The following PHKB variants were observed in gnomAD, a reference collection of about 807,000 sequenced individuals.
The protein encoded by PHKB is phosphorylase kinase regulatory subunit beta, also known as phosphorylase b kinase regulatory subunit beta.
PHKB carries 122 observed loss-of-function variants against 152.1 expected under a neutral mutation model. The observed-to-expected ratio is 0.80, with a 90% CI of 0.69 to 0.93. The LOEUF (loss-of-function observed/expected upper bound fraction) is 0.93. PHKB is among the 40% of genes least tolerant of loss of function. The probability of loss-of-function intolerance (pLI) is 0.00; values close to 1 mark genes in which losing one functional copy is unlikely to be tolerated. For missense variants in PHKB, 1,304 were observed against 1,328.4 expected, an observed-to-expected ratio of 0.98 and a Z score of 0.29; for synonymous variants, 436 against 464.9, an observed-to-expected ratio of 0.94 and a Z score of 0.80.
intron 28 of PHKB, among the ~76,000 whole-genome samples, chr16:47,693,779 T>TA (rs997248905): frequency 9.2e-5 from 14 of 152,042 alleles, no homozygotes; most frequent in Admixed American, 2.0e-4. Context: ...TCATATTTAA[T>TA]AAAAAAAATT....
chr16:47,568,491 T>C (rs1971605120), intron 7 of PHKB, among the ~76,000 whole-genome samples: 1 of 152,210 alleles, frequency 6.6e-6, no homozygotes, highest in Non-Finnish European at 1.5e-5. Context: ...TGTTGTTTCA[T>C]TGATCTTTTG....
chr16:47,693,608 T>TAAGA, intron 28 of PHKB, 101 bp downstream of exon 28: 1 of 1,250,524 alleles, frequency 8.0e-7, no homozygotes, highest in East Asian at 2.4e-5. Flanking sequence ...TTCAGCGTTC[T>TAAGA]AAGAGTATTT....
intron 1 of PHKB, among the ~76,000 whole-genome samples, chr16:47,466,679 T>C (rs1969674145): frequency 6.6e-6 from 1 of 152,240 alleles, no homozygotes; most frequent in Admixed American, 6.5e-5. Context: ...TTTAATTTGA[T>C]GGGCAAATCA....
At chr16:47,678,381 C>T (rs967731391) in intron 26 of PHKB, among the ~76,000 whole-genome samples, 1 of 152,192 alleles carries the variant, frequency 6.6e-6, no homozygotes, top group Non-Finnish European at 1.5e-5. Context: ...TTCAGAGTCC[C>T]ACCAACAGTG....
intron 26 of PHKB, among the ~76,000 whole-genome samples, chr16:47,683,493 CCT>C (rs2142095897): frequency 6.6e-6 from 1 of 152,314 alleles, no homozygotes; most frequent in East Asian, 1.9e-4. Flanking sequence ...CTCGCTGCCG[CCT>C]TGCAGTTTGA....
intron 25 of PHKB, among the ~76,000 whole-genome samples, chr16:47,668,960 C>T (rs1308711116): frequency 6.6e-6 from 1 of 151,976 alleles, no homozygotes; most frequent in Non-Finnish European, 1.5e-5. Context: ...TGCTTTTATC[C>T]ACTCACCTCC....
intron 16 of PHKB, among the ~76,000 whole-genome samples, chr16:47,646,360 T>A (rs1973120396): frequency 1.0e-5 from 1 of 97,498 alleles, no homozygotes; most frequent in Admixed American, 1.1e-4. Context: ...AAGGGGAATA[T>A]CACACTCTGG....
chr16:47,516,651 AG>A, intron 6 of PHKB, among the ~76,000 whole-genome samples: 1 of 152,194 alleles, frequency 6.6e-6, no homozygotes, highest in East Asian at 1.9e-4. Flanking sequence ...GACCGTACTG[AG>A]GGTACTACAA....
chr16:47,642,632 T>G (rs895005757), intron 16 of PHKB, among the ~76,000 whole-genome samples: 7 of 152,056 alleles, frequency 4.6e-5, no homozygotes, highest in African/African-American at 7.3e-5. Context: ...AACAGAAAAA[T>G]GAAGGCTTAG....
intron 1 of PHKB, among the ~76,000 whole-genome samples, chr16:47,480,671 C>G (rs1166102230): frequency 6.6e-6 from 1 of 152,128 alleles, no homozygotes; most frequent in East Asian, 1.9e-4. Context: ...CCTTCAATAT[C>G]CATTGTCATA....
chr16:47,627,023 G>A (rs1281854546), intron 14 of PHKB, among the ~76,000 whole-genome samples: 1 of 152,114 alleles, frequency 6.6e-6, no homozygotes, highest in Non-Finnish European at 1.5e-5. Context: ...CTAAAACCTG[G>A]TTTCTTATGG....
chr16:47,664,804 CTG>C, intron 24 of PHKB, 79 bp from the exon 25 acceptor site: 3 of 835,830 alleles, frequency 3.6e-6, no homozygotes, highest in Non-Finnish European at 6.1e-6. Flanking sequence ...ATTTAGAATG[CTG>C]ACTGTTATGT....
At chr16:47,669,129 G>T (rs1973590405) in intron 25 of PHKB, 86 bp from the exon 26 acceptor site, 2 of 958,160 alleles carry the variant, frequency 2.1e-6, no homozygotes, top group South Asian at 1.3e-5. Context: ...ATTTCAGCCT[G>T]CCAGTCATTC....
chr16:47,596,579 TA>T, intron 13 of PHKB, 48 bp downstream of exon 13: 1 of 1,557,608 alleles, frequency 6.4e-7, no homozygotes. Context: ...GTTATTAAGC[TA>T]TTAGAAATAA....
intron 2 of PHKB, among the ~76,000 whole-genome samples, chr16:47,499,533 A>G (rs1970288594): frequency 6.6e-6 from 1 of 152,222 alleles, no homozygotes; most frequent in South Asian, 2.1e-4. Flanking sequence ...TAATTAGCTG[A>G]GTCCTTTCCT....
chr16:47,475,428 A>G (rs1157099533), intron 1 of PHKB, among the ~76,000 whole-genome samples: 3 of 152,168 alleles, frequency 2.0e-5, no homozygotes, highest in African/African-American at 4.8e-5. Context: ...CCTTAAGCAA[A>G]AACAATACAT....
intron 1 of PHKB, among the ~76,000 whole-genome samples, chr16:47,465,224 C>A (rs1366102629): frequency 6.6e-6 from 1 of 152,204 alleles, no homozygotes; most frequent in Non-Finnish European, 1.5e-5. Context: ...AACAGGAGGA[C>A]ATATATCTCT....
chr16:47,589,177 T>C, intron 10 of PHKB, 75 bp downstream of exon 10: 1 of 1,111,616 alleles, frequency 9.0e-7, no homozygotes, highest in Non-Finnish European at 1.3e-6. Flanking sequence ...GACCATTGGG[T>C]TTGAATTCTG....
intron 1 of PHKB, among the ~76,000 whole-genome samples, chr16:47,468,893 CT>C (rs1394220733): frequency 6.6e-6 from 1 of 152,174 alleles, no homozygotes; most frequent in East Asian, 1.9e-4. Context: ...GCTCTCTATA[CT>C]GCTGTTTGGG....
Sources: allele counts gnomAD v4.1 joint callset (sites outside exome capture counted in the v4.1 genomes callset), GRCh38; gene constraint gnomAD v4.1.1; transcripts MANE v1.5; gene names NCBI Gene and HGNC (gene_info 2026-07-23, HGNC 2026-07-21).